Variants in ADCY5 observed in about 807,000 individuals in gnomAD.
The protein encoded by ADCY5 is adenylate cyclase type 5.
A neutral mutation model predicts 119.7 loss-of-function variants in ADCY5; 30 were observed. The ratio of observed to expected loss-of-function variants is 0.25; its 90% CI spans 0.19 to 0.34. The LOEUF (loss-of-function observed/expected upper bound fraction) is 0.34, where lower values mean the gene tolerates loss of function less well. ADCY5 is among the 10% of genes least tolerant of loss of function. ADCY5 has a pLI of 1.00. For missense variants in ADCY5, 1,324 were observed against 1,775.2 expected (o/e 0.75, Z 4.57); for synonymous variants, 753 against 762.2 (o/e 0.99, Z 0.20).
intron 1 of ADCY5, among the ~76,000 whole-genome samples, chr3:123,366,112 A>G (rs941150875): frequency 2.6e-5 from 4 of 152,196 alleles, no homozygotes; most frequent in Admixed American, 6.5e-5. Context: ...TAAATAAAAT[A>G]TATTATTTAA....
intron 12 of ADCY5, among the ~76,000 whole-genome samples, chr3:123,309,993 AGGCTCTGGTCAC>A (rs1940451007): frequency 6.6e-6 from 1 of 151,962 alleles, no homozygotes; most frequent in South Asian, 2.1e-4. Flanking sequence ...GGCCCACAGG[AGGCTCTGGTCAC>A]AGATCCCAGG....
intron 1 of ADCY5, among the ~76,000 whole-genome samples, chr3:123,392,114 C>G (rs1944415727): frequency 6.6e-6 from 1 of 152,194 alleles, no homozygotes; most frequent in African/African-American, 2.4e-5. Flanking sequence ...AAGAAAAATC[C>G]ACTACTGTTG....
intron 1 of ADCY5, among the ~76,000 whole-genome samples, chr3:123,384,393 T>C (rs1310870217): frequency 6.6e-6 from 1 of 151,806 alleles, no homozygotes; most frequent in African/African-American, 2.4e-5. Context: ...AATGACTGAG[T>C]CGCCCTGGGT....
In ADCY5 at chr3:123,448,542, A is replaced by C; in HGVS notation, c.4T>G (p.Ser2Ala). Residue 2 changes from serine to alanine, a missense_variant, in exon 1 of 21, where the codon TCC (serine) becomes GCC (alanine). By Grantham distance (99) the Ser-to-Ala change is moderately conservative. Coordinates refer to ENST00000462833, the MANE Select transcript of ADCY5 (RefSeq NM_183357.3). M[S>A]GSKSVSPPGY... ...GGGGGGCTCACGCTTTTGGAGCCGG[A>C]CATCCCCCCCTCGGCCTCGTCGTCT... The C allele has an allele frequency of 7.9e-7, 1 of 1,265,546 alleles. No homozygotes were observed. Among genetic ancestry groups the C allele is most frequent in the East Asian group, 3.2e-5 (1 of 31,704 alleles). The allele number at this position is 1,265,546 out of a possible 1,614,324, so 78.4% of individuals were successfully genotyped here.
chr3:123,425,563 C>A (rs1356995851), intron 1 of ADCY5, among the ~76,000 whole-genome samples: 2 of 152,198 alleles, frequency 1.3e-5, no homozygotes, highest in South Asian at 4.1e-4. Context: ...TCCCAGTGGC[C>A]CCAGCCCTTT....
intron 1 of ADCY5, among the ~76,000 whole-genome samples, chr3:123,405,840 G>A (rs1027811286): frequency 2.0e-5 from 3 of 152,070 alleles, no homozygotes; most frequent in African/African-American, 7.2e-5. Flanking sequence ...TCACGATGTT[G>A]GCCAGGCTGG....
rs1576564600 is a variant in ADCY5 at position 123,318,017 on chromosome 3, C to T, written c.2354+3G>A. 1 of 1,612,892 alleles carries T rather than the reference C, an allele frequency of 6.2e-7. No individual in the cohort carries two copies. The highest frequency in any genetic ancestry group is 8.5e-7 in the Non-Finnish European group (1 of 1,179,224). On this transcript the variant is annotated splice_donor_region_variant and intron_variant, in intron 11 of 20. Coordinates refer to ENST00000462833, the MANE Select transcript of ADCY5 (RefSeq NM_183357.3). ...GGAGCCCAAGAGGGACGGGGATACTCACTGGGGCACGATGGTGATCTGGAC... is the reference window on the plus strand; with the variant it reads ...GGAGCCCAAGAGGGACGGGGATACTTACTGGGGCACGATGGTGATCTGGAC...
chr3:123,318,741 C>G (rs1434924079), intron 10 of ADCY5, among the ~76,000 whole-genome samples: 1 of 152,172 alleles, frequency 6.6e-6, no homozygotes, highest in Non-Finnish European at 1.5e-5. Flanking sequence ...GAGCATACCA[C>G]AAGTCCATTT....
intron 1 of ADCY5, among the ~76,000 whole-genome samples, chr3:123,424,486 C>T (rs374278763): frequency 2.6e-4 from 40 of 152,286 alleles, no homozygotes; most frequent in African/African-American, 9.4e-4. Context: ...TGCCAATTTC[C>T]CTGGAAAGAT....
intron 1 of ADCY5, among the ~76,000 whole-genome samples, chr3:123,380,173 G>A (rs1447882655): frequency 6.6e-6 from 1 of 152,128 alleles, no homozygotes; most frequent in East Asian, 1.9e-4. Flanking sequence ...GGTCTCCTAG[G>A]AAAAAATAAG....
chr3:123,441,618 A>G (rs1945723465), intron 1 of ADCY5, among the ~76,000 whole-genome samples: 1 of 152,224 alleles, frequency 6.6e-6, no homozygotes, highest in African/African-American at 2.4e-5. Context: ...GATCCCAGCA[A>G]TAACACCTTG....
At chr3:123,325,279 C>T (rs745843339) in intron 8 of ADCY5, 43 bp downstream of exon 8, 15 of 1,610,656 alleles carry the variant, frequency 9.3e-6, no homozygotes, top group African/African-American at 1.3e-5. Flanking sequence ...AAGGCCCTAG[C>T]CTTGGAGAGT....
At chr3:123,296,472 C>T (rs1182099874) in intron 16 of ADCY5, among the ~76,000 whole-genome samples, 2 of 152,192 alleles carry the variant, frequency 1.3e-5, no homozygotes, top group Non-Finnish European at 2.9e-5. Context: ...TTACAACCCC[C>T]CATCACTCGG....
chr3:123,426,299 G>GTTTT (rs750760543), intron 1 of ADCY5, among the ~76,000 whole-genome samples: 6 of 97,982 alleles, frequency 6.1e-5, no homozygotes, highest in African/African-American at 1.7e-4. Flanking sequence ...TTTCTTTTGT[G>GTTTT]TTTTTTTTTT....
intron 1 of ADCY5, among the ~76,000 whole-genome samples, chr3:123,421,208 T>C (rs1945296853): frequency 6.6e-6 from 1 of 152,196 alleles, no homozygotes; most frequent in African/African-American, 2.4e-5. Context: ...GTTGAAAGAA[T>C]GACTATAAAA....
At chr3:123,325,542 G>A (rs1941444524) in intron 7 of ADCY5, 80 bp from the exon 8 acceptor site, 1 of 1,569,976 alleles carries the variant, frequency 6.4e-7, no homozygotes, top group African/African-American at 1.4e-5. Flanking sequence ...CATCGTACCT[G>A]GCCAGGTAAG....
intron 1 of ADCY5, among the ~76,000 whole-genome samples, chr3:123,408,120 C>G (rs186993505): frequency 6.6e-6 from 1 of 152,172 alleles, no homozygotes; most frequent in East Asian, 1.9e-4. Context: ...GAGCCCTGGA[C>G]CTACGGTGAA....
At chr3:123,443,683 T>C (rs1170219303) in intron 1 of ADCY5, among the ~76,000 whole-genome samples, 12 of 152,126 alleles carry the variant, frequency 7.9e-5, no homozygotes, top group Admixed American at 7.2e-4. Context: ...AGGAAATCAC[T>C]AAGAAGCTGG....
chr3:123,300,395 G>A (rs1282326669), intron 14 of ADCY5, 100 bp from the exon 15 acceptor site: 1 of 1,331,326 alleles, frequency 7.5e-7, no homozygotes, highest in Non-Finnish European at 1.0e-6. Context: ...AGTGAGGCCT[G>A]GGCTGGGCAT....
Sources: allele counts gnomAD v4.1 joint callset (sites outside exome capture counted in the v4.1 genomes callset), GRCh38; gene constraint gnomAD v4.1.1; transcripts MANE v1.5; gene names NCBI Gene and HGNC (gene_info 2026-07-23, HGNC 2026-07-21).